P4HA2: variants seen among roughly 807,000 people sequenced by gnomAD.
The protein encoded by P4HA2 is prolyl 4-hydroxylase subunit alpha 2.
P4HA2 carries 46 observed loss-of-function variants against 76.9 expected under a neutral mutation model. The ratio of observed to expected loss-of-function variants is 0.60; its 90% CI spans 0.47 to 0.76. The LOEUF (loss-of-function observed/expected upper bound fraction) is 0.76, where lower values mean the gene tolerates loss of function less well. Among genes scored for constraint, P4HA2 ranks in the 30% least tolerant of loss-of-function variants. The pLI is 0.00. For synonymous variants in P4HA2, 243 were observed against 254.0 expected (o/e 0.96, Z 0.41); for missense variants, 583 against 669.4 (o/e 0.87, Z 1.42).
chr5:132,198,156 C>T (rs1298521015), intron 12 of P4HA2, 165 bp downstream of exon 12: 8 of 1,612,214 alleles, frequency 5.0e-6, no homozygotes, highest in Non-Finnish European at 6.8e-6. Context: ...ATAAGGCAGC[C>T]CTCTGGACCC....
chr5:132,207,581 C>T (rs1013909183), intron 8 of P4HA2, 127 bp downstream of exon 8: 18 of 715,952 alleles, frequency 2.5e-5, no homozygotes, highest in Middle Eastern at 2.6e-4. Context: ...TGTATCCCCA[C>T]GGTAGGCCCA....
chr5:132,215,607 T>C (rs1753737395), intron 4 of P4HA2, among the ~76,000 whole-genome samples: 2 of 152,150 alleles, frequency 1.3e-5, no homozygotes, highest in Admixed American at 1.3e-4. Context: ...TCTGGCCACA[T>C]GGGCTAAAAT....
At chr5:132,194,359 C>T (rs943434950) in intron 14 of P4HA2, among the ~76,000 whole-genome samples, 1 of 152,224 alleles carries the variant, frequency 6.6e-6, no homozygotes, top group African/African-American at 2.4e-5. Context: ...ACACTCATCT[C>T]CTTACAAACA....
chr5:132,224,677 G>T (rs1755111307), intron 1 of P4HA2, among the ~76,000 whole-genome samples: 2 of 151,922 alleles, frequency 1.3e-5, no homozygotes, highest in Non-Finnish European at 2.9e-5. Context: ...TCAATCACTG[G>T]CTCTAAAGCT....
Position 132,192,273 on chromosome 5 carries a change from A to G in P4HA2, c.*737T>C, listed in dbSNP as rs1479920662. On this transcript the variant is annotated 3_prime_UTR_variant, in exon 15 of 15. Transcript: ENST00000360568. Reference sequence around the variant, plus strand: ...GGTGTTGACACAGGTGCTCCTGCTCACCTTCATATTTTTTTAAGTATACAT... The same window carrying G: ...GGTGTTGACACAGGTGCTCCTGCTCGCCTTCATATTTTTTTAAGTATACAT... The G allele has an allele frequency of 1.3e-5, 2 of 152,190 alleles. No homozygotes were observed. Among genetic ancestry groups the G allele is most frequent in the African/African-American group, 4.8e-5 (2 of 41,438 alleles). The allele number at this position is 152,190 out of a possible 1,614,324, so 9.4% of individuals were successfully genotyped here.
intron 2 of P4HA2, 88 bp downstream of exon 2, chr5:132,218,457 C>T: frequency 1.1e-6 from 1 of 883,762 alleles, no homozygotes; most frequent in Non-Finnish European, 1.8e-6. Flanking sequence ...AAGGCTATCC[C>T]ACTCTAAATG....
At position 132,194,978 on chromosome 5, in the gene P4HA2, A is replaced by C; in HGVS notation, c.1479T>G (p.Gly493=). The C allele has an allele frequency of 6.2e-7, 1 of 1,613,790 alleles. No individual in the cohort carries two copies. Among genetic ancestry groups the C allele is most frequent in the Non-Finnish European group, 8.5e-7 (1 of 1,179,760 alleles). The change falls in exon 14 of 15, where the codon GGT becomes GGG. Residue 493 remains glycine (G), a synonymous_variant. Coordinates refer to ENST00000360568, the MANE Select transcript of P4HA2 (RefSeq NM_001017974.2). The part of the protein sequence containing the change: ...FWYNLLRSGE[G]DYRTRHAACP... ...AGGCAGCATGTCTTGTTCGGTAGTC[A>C]CCTTCCCCGCTCCGCAAGAGGTTGT...
intron 1 of P4HA2, among the ~76,000 whole-genome samples, chr5:132,225,445 G>A (rs1213625606): frequency 6.6e-6 from 1 of 152,116 alleles, no homozygotes; most frequent in Non-Finnish European, 1.5e-5. Flanking sequence ...AAAAAGGGAG[G>A]CCTTCTTAGG....
At position 132,203,750 on chromosome 5, in the gene P4HA2, G is replaced by C. The variant is rs1751822869; in HGVS notation, c.1249C>G (p.Gln417Glu). ...GLTVKTAELLQVANYGVGGQY... is the reference protein window; with the variant it reads ...GLTVKTAELLEVANYGVGGQY... ...ACAGTCCCAGGTACTATCTGTACCT[G>C]TAACAATTCTGCAGTCTTTACTGTT... Residue 417 changes from glutamine to glutamate, a missense_variant and splice_region_variant, in exon 10 of 15, where the codon CAG becomes GAG. By Grantham distance (29) the Gln-to-Glu change is conservative (BLOSUM62 2). Coordinates refer to ENST00000360568, the MANE Select transcript of P4HA2 (RefSeq NM_001017974.2). The C allele has an allele frequency of 6.3e-7, 1 of 1,588,278 alleles. No homozygotes were observed. The highest frequency in any genetic ancestry group is 8.6e-7 in the Non-Finnish European group (1 of 1,156,442).
chr5:132,207,959 A>G, intron 7 of P4HA2, 75 bp from the exon 8 acceptor site: 1 of 1,182,568 alleles, frequency 8.5e-7, no homozygotes, highest in South Asian at 1.5e-5. Context: ...GTCTGCAGAC[A>G]CTGGACTCAC....
chr5:132,220,071 G>A (rs1413489836), intron 1 of P4HA2, among the ~76,000 whole-genome samples: 1 of 152,226 alleles, frequency 6.6e-6, no homozygotes, highest in African/African-American at 2.4e-5. Context: ...TGCAGGGTAG[G>A]GCGTATTGTG....
At chr5:132,198,406 A>G (rs1245253926) in intron 11 of P4HA2, 26 bp from the exon 12 acceptor site, 1 of 1,610,622 alleles carries the variant, frequency 6.2e-7, no homozygotes, top group Non-Finnish European at 8.5e-7. Context: ...ACTTTCACCC[A>G]AGTTTACAAC....
At chr5:132,204,252 T>C (rs996644850) in intron 8 of P4HA2, 100 bp from the exon 9 acceptor site, 2 of 940,778 alleles carry the variant, frequency 2.1e-6, no homozygotes, top group African/African-American at 3.2e-5. Flanking sequence ...ACTGCCATGC[T>C]AGTGGAGGAA....
intron 1 of P4HA2, among the ~76,000 whole-genome samples, chr5:132,224,387 G>A (rs569683542): frequency 2.8e-4 from 42 of 152,340 alleles, no homozygotes; most frequent in Middle Eastern, 3.4e-3. Context: ...GATGTTGGCA[G>A]GTAGCCCTGC....
At chr5:132,195,340 G>T in intron 13 of P4HA2, 72 bp downstream of exon 13, 1 of 1,121,818 alleles carries the variant, frequency 8.9e-7, no homozygotes, top group Non-Finnish European at 1.4e-6. Context: ...CCAGGTAATG[G>T]TACTGGGGGA....
At chr5:132,218,728 C>T (rs1754257977) in intron 1 of P4HA2, 84 bp from the exon 2 acceptor site, 5 of 766,720 alleles carry the variant, frequency 6.5e-6, no homozygotes, top group South Asian at 4.5e-5. Context: ...CATGTACACA[C>T]ATATGCAGAT....
At chr5:132,219,165 G>C (rs1423237830) in intron 1 of P4HA2, among the ~76,000 whole-genome samples, 1 of 152,148 alleles carries the variant, frequency 6.6e-6, no homozygotes, top group East Asian at 1.9e-4. Flanking sequence ...CCAAACTAAG[G>C]TGTACAACAG....
intron 1 of P4HA2, among the ~76,000 whole-genome samples, chr5:132,221,776 C>T (rs1356280453): frequency 3.3e-5 from 5 of 152,126 alleles, no homozygotes; most frequent in South Asian, 2.1e-4. Flanking sequence ...ACAAAGCAGG[C>T]CCTTCTCAAA....
chr5:132,196,476 C>T (rs1465915761), intron 12 of P4HA2, among the ~76,000 whole-genome samples: 1 of 152,236 alleles, frequency 6.6e-6, no homozygotes, highest in African/African-American at 2.4e-5. Context: ...ACTTTTAAGT[C>T]TCAACTGATA....
Sources: allele counts gnomAD v4.1 joint callset (sites outside exome capture counted in the v4.1 genomes callset), GRCh38; gene constraint gnomAD v4.1.1; transcripts MANE v1.5; gene names NCBI Gene and HGNC (gene_info 2026-07-23, HGNC 2026-07-21).